Variants in POC1A observed in about 807,000 individuals in gnomAD.
The protein encoded by POC1A is POC1 centriolar protein A.
Under a neutral mutation model 47.8 loss-of-function variants are expected in POC1A, and 34 were observed. The observed-to-expected ratio is 0.71, with a 90% CI of 0.54 to 0.95. The LOEUF is 0.95. Ranked by LOEUF, POC1A falls within the 40% of genes least tolerant of loss-of-function variation. The pLI is 0.00. For synonymous variants in POC1A, 177 were observed against 207.6 expected (o/e 0.85, Z 1.27); for missense variants, 466 against 528.3 (o/e 0.88, Z 1.16).
In POC1A at chr3:52,151,079, G is replaced by A; in HGVS notation, c.40C>T (p.His14Tyr). 6.2e-7 allele frequency: 1 copy of A among 1,606,784 alleles called. No homozygotes were observed. Among genetic ancestry groups the A allele is most frequent in the Non-Finnish European group, 8.5e-7 (1 of 1,176,740 alleles). Residue 14 changes from histidine (H) to tyrosine (Y), a missense_variant, in exon 2 of 11, where the codon CAT becomes TAT. By Grantham distance (83) the His-to-Tyr change is moderately conservative (BLOSUM62 2). Coordinates refer to ENST00000296484, the MANE Select transcript of POC1A (RefSeq NM_015426.5). ...ACTGCATCTCGGTGGCCCTTAAAAT[G>A]CCTTTCCAGCGAGGGGTCCTCCTGA... ...PCAEDPSLERHFKGHRDAVTC... is the reference protein window; with the variant it reads ...PCAEDPSLERYFKGHRDAVTC...
intron 9 of POC1A, among the ~76,000 whole-genome samples, chr3:52,111,994 G>A (rs1343395167): frequency 6.6e-6 from 1 of 152,194 alleles, no homozygotes; most frequent in Non-Finnish European, 1.5e-5. Context: ...CAACAGGGCT[G>A]GCAGAGGCTC....
At chr3:52,151,431 T>C (rs928343284) in intron 1 of POC1A, among the ~76,000 whole-genome samples, 3 of 152,086 alleles carry the variant, frequency 2.0e-5, no homozygotes, top group African/African-American at 7.2e-5. Flanking sequence ...AAACTATTTA[T>C]GATACATAAA....
intron 10 of POC1A, among the ~76,000 whole-genome samples, chr3:52,094,172 G>A (rs181232815): frequency 6.6e-6 from 1 of 152,330 alleles, no homozygotes; most frequent in Admixed American, 6.5e-5. Flanking sequence ...GTGTTGGGGT[G>A]GCTGGGCATC....
intron 9 of POC1A, among the ~76,000 whole-genome samples, chr3:52,104,558 A>C (rs1166236817): frequency 1.3e-5 from 2 of 152,232 alleles, no homozygotes; most frequent in East Asian, 1.9e-4. Flanking sequence ...CACAGGACAC[A>C]GTTGACACCG....
rs13064488 is a variant in POC1A at position 52,138,321 on chromosome 3, T to G, written c.680-19A>C. ...CTGTGCACTGGGGGAAGGACATCAG[T>G]CAGGTGCTGGCTAGGAGGCACAGGG... is the stretch of plus-strand genomic sequence containing the variant. On this transcript the variant is annotated intron_variant, in intron 6 of 10. Transcript: ENST00000296484. 3.7e-6 allele frequency: 6 copies of G among 1,603,588 alleles called. No homozygotes were observed. In the South Asian group the frequency reaches 6.7e-5, roughly 18 times the overall value.
intron 10 of POC1A, among the ~76,000 whole-genome samples, chr3:52,083,147 G>C (rs533122497): frequency 5.8e-4 from 88 of 152,222 alleles, no homozygotes; most frequent in Middle Eastern, 6.8e-3. Flanking sequence ...CGGGCATCTG[G>C]GGCATCACGA....
chr3:52,080,273 TC>T (rs1702240035), intron 10 of POC1A, among the ~76,000 whole-genome samples: 1 of 152,080 alleles, frequency 6.6e-6, no homozygotes, highest in Non-Finnish European at 1.5e-5. Context: ...CTTGGCTCTG[TC>T]CCCATCAAGA....
intron 6 of POC1A, 111 bp from the exon 7 acceptor site, chr3:52,138,413 G>A (rs1698060634): frequency 9.1e-7 from 1 of 1,095,920 alleles, no homozygotes; most frequent in Non-Finnish European, 1.3e-6. Context: ...TGATGGGGCT[G>A]GGTCAGGATG....
chr3:52,149,575 C>A (rs1254041628), intron 3 of POC1A, among the ~76,000 whole-genome samples, 186 bp from the exon 4 acceptor site: 2 of 152,214 alleles, frequency 1.3e-5, no homozygotes, highest in Non-Finnish European at 2.9e-5. Flanking sequence ...TAGGCCCCAC[C>A]CACATGAACA....
intron 6 of POC1A, among the ~76,000 whole-genome samples, chr3:52,139,088 T>C (rs1452021377): frequency 6.6e-6 from 1 of 152,182 alleles, no homozygotes; most frequent in Admixed American, 6.5e-5. Flanking sequence ...TGCCTCGGCC[T>C]CTCAAGGTGC....
At chr3:52,096,533 T>G (rs900502098) in intron 10 of POC1A, 36 bp downstream of exon 10, 2 of 1,502,164 alleles carry the variant, frequency 1.3e-6, no homozygotes, top group East Asian at 2.4e-5. Context: ...CAAGTGCAGA[T>G]GACGGGATGA....
At chr3:52,120,434 G>A (rs2107082059) in intron 9 of POC1A, among the ~76,000 whole-genome samples, 1 of 152,318 alleles carries the variant, frequency 6.6e-6, no homozygotes, top group East Asian at 1.9e-4. Context: ...AGGGGCTTAT[G>A]ACAAATAAGG....
intron 1 of POC1A, 141 bp from the exon 2 acceptor site, chr3:52,151,241 A>T: frequency 8.2e-7 from 1 of 1,218,062 alleles, no homozygotes; most frequent in Non-Finnish European, 1.1e-6. Context: ...ATCCTAAGGA[A>T]TCCACTTAGG....
intron 10 of POC1A, among the ~76,000 whole-genome samples, chr3:52,095,341 C>G (rs1003416194): frequency 6.6e-6 from 1 of 152,180 alleles, no homozygotes; most frequent in Non-Finnish European, 1.5e-5. Flanking sequence ...TCAGTGGGCC[C>G]AAGGTGTGCC....
At chr3:52,096,798 G>C in intron 9 of POC1A, 86 bp from the exon 10 acceptor site, 1 of 1,258,896 alleles carries the variant, frequency 7.9e-7, no homozygotes, top group South Asian at 1.6e-5. Context: ...AAGGATGAAA[G>C]GGAAAACCAC....
intron 9 of POC1A, among the ~76,000 whole-genome samples, chr3:52,110,686 G>C (rs1703350038): frequency 6.6e-6 from 1 of 152,200 alleles, no homozygotes; most frequent in Admixed American, 6.5e-5. Flanking sequence ...TTGGCAAAAA[G>C]GCAGTGTCAT....
At position 52,149,140 on chromosome 3, in the gene POC1A, C is replaced by T; in HGVS notation, c.455+70G>A. 2.9e-6 allele frequency: 4 copies of T among 1,400,466 alleles called. No individual in the cohort carries two copies. The Admixed American group carries it at 6.8e-5, about 24-fold the overall frequency. 86.8% of individuals were successfully genotyped at this position (1,400,466 alleles called of 1,614,324 possible). ...CTTGCCCGAGGTCATAAGTTGGTAC[C>T]TAGCAGCCCCTGGGCCAGCCCCCAA... On this transcript the variant is annotated intron_variant, in intron 4 of 10. Transcript: ENST00000296484.
At chr3:52,127,857 G>A (rs1179710442) in intron 7 of POC1A, among the ~76,000 whole-genome samples, 2 of 151,942 alleles carry the variant, frequency 1.3e-5, no homozygotes, top group Non-Finnish European at 2.9e-5. Flanking sequence ...CACCACACCC[G>A]GCTAATTTTT....
chr3:52,078,462 G>C (rs1227919124), intron 10 of POC1A, among the ~76,000 whole-genome samples: 2 of 145,644 alleles, frequency 1.4e-5, no homozygotes, highest in African/African-American at 5.1e-5. Flanking sequence ...CATTTTCACA[G>C]AAAATGGTGA....
Sources: allele counts gnomAD v4.1 joint callset (sites outside exome capture counted in the v4.1 genomes callset), GRCh38; gene constraint gnomAD v4.1.1; transcripts MANE v1.5; gene names NCBI Gene and HGNC (gene_info 2026-07-23, HGNC 2026-07-21).